Variants in MEGF10 observed in about 807,000 individuals in gnomAD.
MEGF10 encodes the protein multiple epidermal growth factor-like domains protein 10.
A neutral mutation model predicts 147.5 loss-of-function variants in MEGF10; 86 were observed. The ratio of observed to expected loss-of-function variants is 0.58; its 90% confidence interval spans 0.49 to 0.70. MEGF10 has a LOEUF of 0.70. MEGF10 is among the 30% of genes least tolerant of loss of function. MEGF10 has a pLI of 0.00. For missense variants in MEGF10, 1,329 were observed against 1,487.3 expected (o/e 0.89, Z 1.75); for synonymous variants, 478 against 525.5 (o/e 0.91, Z 1.24).
intron 1 of MEGF10, among the ~76,000 whole-genome samples, chr5:127,316,974 GA>G (rs1760573300): frequency 6.6e-6 from 1 of 152,184 alleles, no homozygotes; most frequent in Non-Finnish European, 1.5e-5. Flanking sequence ...TTCCAAGAAG[GA>G]ACAGCATGGG....
intron 8 of MEGF10, among the ~76,000 whole-genome samples, chr5:127,406,653 G>A (rs983345160): frequency 2.6e-5 from 4 of 152,166 alleles, no homozygotes; most frequent in Non-Finnish European, 4.4e-5. Context: ...AGTCCTCCCC[G>A]CCAGAGAGAA....
At position 127,457,739 on chromosome 5, in the gene MEGF10, A is replaced by G; in HGVS notation, c.*421A>G. The G allele has an allele frequency of 6.3e-6, 1 of 158,702 alleles. No individual in the cohort carries two copies. Among genetic ancestry groups the G allele is most frequent in the Non-Finnish European group, 1.4e-5 (1 of 71,728 alleles). The allele number at this position is 158,702 out of a possible 1,614,324, so 9.8% of individuals were successfully genotyped here. A position where few individuals can be genotyped will look rare whatever the true frequency, so the allele number is the denominator to read the frequency against. ...TACAGTTTACCATAAAATTTACTTC[A>G]TGAAAGTGGGAATCACTGAACATGT... On this transcript the variant is annotated 3_prime_UTR_variant, in exon 25 of 25. Transcript: ENST00000503335.
At chr5:127,344,439 C>T (rs1037317680) in intron 4 of MEGF10, among the ~76,000 whole-genome samples, 11 of 152,142 alleles carry the variant, frequency 7.2e-5, no homozygotes, top group Middle Eastern at 3.4e-3. Flanking sequence ...TCTGATCAAT[C>T]GGTGATGAGT....
At chr5:127,246,999 T>TATATATATATATATATATATAC in the MEGF10 span, among the ~76,000 whole-genome samples, 31 of 126,604 alleles carry the variant, frequency 2.4e-4, no homozygotes, top group African/African-American at 9.2e-4. Flanking sequence ...TATATATATA[T>TATATATATATATATATATATAC]ATATATATAG....
At chr5:127,369,793 A>G (rs1329550995) in intron 4 of MEGF10, 117 bp from the exon 5 acceptor site, 2 of 693,704 alleles carry the variant, frequency 2.9e-6, no homozygotes, top group Admixed American at 5.6e-5. Flanking sequence ...GAAGAAAATT[A>G]TCAAGCATGC....
At chr5:127,422,518 A>G in intron 12 of MEGF10, 152 bp from the exon 13 acceptor site, 1 of 607,888 alleles carries the variant, frequency 1.6e-6, no homozygotes, top group East Asian at 2.9e-5. Flanking sequence ...CATCTCAAAA[A>G]AAAAGAAAAA....
the MEGF10 span, among the ~76,000 whole-genome samples, chr5:127,252,931 T>G: frequency 1.3e-5 from 2 of 151,878 alleles, no homozygotes; most frequent in Non-Finnish European, 2.9e-5. Flanking sequence ...GAGTGATGAA[T>G]TTTAATTCAT....
intron 1 of MEGF10, among the ~76,000 whole-genome samples, chr5:127,323,023 C>T (rs760157084): frequency 1.8e-4 from 27 of 151,392 alleles, no homozygotes; most frequent in Admixed American, 1.6e-3. Context: ...CATATATATG[C>T]ATATATATAT....
the MEGF10 span, among the ~76,000 whole-genome samples, chr5:127,243,220 GT>G: frequency 1.3e-5 from 2 of 152,084 alleles, no homozygotes; most frequent in African/African-American, 4.8e-5. Flanking sequence ...TGTTTCCATT[GT>G]TTTTTCTACC....
At chr5:127,239,229 G>T in the MEGF10 span, among the ~76,000 whole-genome samples, 1 of 151,646 alleles carries the variant, frequency 6.6e-6, no homozygotes, top group Non-Finnish European at 1.5e-5. Context: ...GGATCGGGGG[G>T]AAAAAACAGC....
At position 127,445,413 on chromosome 5, in the gene MEGF10, C is replaced by G. The variant is rs533695845; in HGVS notation, c.2492-44C>G. 7.5e-6 allele frequency: 11 copies of G among 1,467,674 alleles called. No individual in the cohort carries two copies. In the South Asian group the frequency reaches 1.3e-4, roughly 17 times the overall value. The allele number at this position is 1,467,674 out of a possible 1,614,324, so 90.9% of individuals were successfully genotyped here. On this transcript the variant is annotated intron_variant, in intron 19 of 24. Transcript: ENST00000503335. ...TTGTAAGTAGAGATCAAACGTTTAT[C>G]CAGCACATTGTCATCCTTTCTCAAG...
chr5:127,308,352 C>T (rs1760108014), intron 1 of MEGF10, among the ~76,000 whole-genome samples: 1 of 152,116 alleles, frequency 6.6e-6, no homozygotes, highest in Non-Finnish European at 1.5e-5. Flanking sequence ...ACAAACAGGT[C>T]CAGATCCCTA....
intron 12 of MEGF10, among the ~76,000 whole-genome samples, chr5:127,422,291 C>T (rs1443766239): frequency 2.6e-5 from 4 of 151,964 alleles, no homozygotes; most frequent in African/African-American, 4.8e-5. Flanking sequence ...GAGGCTGAGG[C>T]GAGTGGATCA....
rs1340174065 is a variant in MEGF10 at position 127,454,617 on chromosome 5, T to C, written c.3025+7T>C. On this transcript the variant is annotated splice_region_variant and intron_variant, in intron 23 of 24. Coordinates refer to ENST00000503335, the MANE Select transcript of MEGF10 (RefSeq NM_001256545.2). Reference sequence around the variant, plus strand: ...ATGGGAAAATCCTTAAAAGGTATCATGTAAATTTGAAGAAGAAATCAGAAG... The same window carrying C: ...ATGGGAAAATCCTTAAAAGGTATCACGTAAATTTGAAGAAGAAATCAGAAG... 2 of 1,605,066 alleles carry C rather than the reference T, an allele frequency of 1.2e-6. No homozygotes were observed. Among genetic ancestry groups the C allele is most frequent in the East Asian group, 2.2e-5 (1 of 44,700 alleles).
chr5:127,436,855 T>C (rs1765566454), intron 16 of MEGF10, among the ~76,000 whole-genome samples: 1 of 152,176 alleles, frequency 6.6e-6, no homozygotes, highest in Non-Finnish European at 1.5e-5. Flanking sequence ...TCTTAGCTGA[T>C]TGTGAGCCTG....
chr5:127,386,942 A>G (rs2126896846), intron 5 of MEGF10, among the ~76,000 whole-genome samples: 1 of 152,208 alleles, frequency 6.6e-6, no homozygotes, highest in East Asian at 1.9e-4. Flanking sequence ...TTCATTTTAC[A>G]ACAAATAAAG....
intron 5 of MEGF10, among the ~76,000 whole-genome samples, chr5:127,387,531 G>A (rs1763477069): frequency 6.6e-6 from 1 of 152,196 alleles, no homozygotes; most frequent in Non-Finnish European, 1.5e-5. Context: ...CCAGGCAGAA[G>A]CAGTTAATCT....
intron 19 of MEGF10, chr5:127,444,802 G>A (rs1176682308): frequency 6.6e-6 from 1 of 152,504 alleles, no homozygotes; most frequent in Admixed American, 6.5e-5. Flanking sequence ...AAGACCCATT[G>A]AAATTAGCAA....
chr5:127,270,495 C>T, the MEGF10 span, among the ~76,000 whole-genome samples: 1 of 152,192 alleles, frequency 6.6e-6, no homozygotes, highest in Admixed American at 6.5e-5. Flanking sequence ...AAGACCATTA[C>T]ATAGTGGTAA....
Sources: allele counts gnomAD v4.1 joint callset (sites outside exome capture counted in the v4.1 genomes callset), GRCh38; gene constraint gnomAD v4.1.1; transcripts MANE v1.5; gene names NCBI Gene and HGNC (gene_info 2026-07-23, HGNC 2026-07-21).